The following GALNTL6 variants were observed in gnomAD, a reference collection of about 807,000 sequenced individuals.
GALNTL6 encodes polypeptide N-acetylgalactosaminyltransferase like 6.
A neutral mutation model predicts 73.7 loss-of-function variants in GALNTL6; 46 were observed. That is an observed-to-expected ratio of 0.62 (90% CI 0.49 to 0.80). The LOEUF (loss-of-function observed/expected upper bound fraction) is 0.80. Among genes scored for constraint, GALNTL6 ranks in the 30% least tolerant of loss-of-function variants. The pLI is 0.00. For missense variants in GALNTL6, 604 were observed against 755.0 expected, an observed-to-expected ratio of 0.80 and a Z score of 2.34; for synonymous variants, 259 against 263.7, an observed-to-expected ratio of 0.98 and a Z score of 0.17.
intron 5 of GALNTL6, among the ~76,000 whole-genome samples, chr4:172,785,356 A>G (rs1167266613): frequency 6.6e-6 from 1 of 152,146 alleles, no homozygotes; most frequent in Non-Finnish European, 1.5e-5. Flanking sequence ...ATCTTATTTA[A>G]ACTAGATTTA....
rs190408420 is a variant in GALNTL6 at position 173,040,454 on chromosome 4, G to C, written c.*354G>C. On this transcript the variant is annotated 3_prime_UTR_variant, in exon 13 of 13. Transcript: ENST00000506823. ...ATGAATGGATCCTATTAACTGGGTG[G>C]GAGGGGGGTGAAAATGGAGTGCATG... The C allele has an allele frequency of 4.8e-6, 1 of 207,392 alleles. No homozygotes were observed. Among genetic ancestry groups the C allele is most frequent in the East Asian group, 1.4e-4 (1 of 6,936 alleles). The allele number at this position is 207,392 out of a possible 1,614,324, so 12.8% of individuals were successfully genotyped here.
intron 5 of GALNTL6, among the ~76,000 whole-genome samples, chr4:172,392,886 C>T (rs1017304261): frequency 6.6e-5 from 10 of 152,110 alleles, no homozygotes; most frequent in African/African-American, 1.9e-4. Flanking sequence ...TGTACCAGTC[C>T]CCGCCCTGTT....
chr4:172,311,810 AT>A (rs558851741), intron 4 of GALNTL6, 58 bp downstream of exon 4: 410 of 1,251,572 alleles, frequency 3.3e-4, no homozygotes, highest in South Asian at 4.1e-4. Context: ...TTGTCCTTTG[AT>A]TTTTTTTTAA....
At chr4:171,975,413 G>A (rs1188494253) in intron 2 of GALNTL6, among the ~76,000 whole-genome samples, 4 of 152,080 alleles carry the variant, frequency 2.6e-5, no homozygotes, top group Admixed American at 2.0e-4. Context: ...AAAAAAGAAG[G>A]AAAAGTAGGT....
At chr4:172,899,610 T>A (rs551885367) in intron 8 of GALNTL6, among the ~76,000 whole-genome samples, 2 of 152,168 alleles carry the variant, frequency 1.3e-5, no homozygotes, top group Non-Finnish European at 2.9e-5. Context: ...AAAGGGGTCC[T>A]GATCCATACC....
At chr4:171,847,067 A>G (rs1261426871) in intron 2 of GALNTL6, among the ~76,000 whole-genome samples, 2 of 151,412 alleles carry the variant, frequency 1.3e-5, no homozygotes, top group Non-Finnish European at 2.9e-5. Context: ...CCCTACGAGC[A>G]ATGGTCAGTA....
At chr4:172,626,704 C>A (rs915990844) in intron 5 of GALNTL6, among the ~76,000 whole-genome samples, 4 of 151,994 alleles carry the variant, frequency 2.6e-5, no homozygotes, top group Non-Finnish European at 4.4e-5. Flanking sequence ...TCTTTGTAGA[C>A]ATCTTTCACC....
intron 2 of GALNTL6, chr4:171,815,935 G>A (rs1290716403): frequency 6.6e-6 from 1 of 152,058 alleles, no homozygotes; most frequent in Middle Eastern, 3.4e-3. Flanking sequence ...TTGTTATTTC[G>A]AGGAAAAATG....
Position 172,550,421 on chromosome 4 carries a change from G to C in GALNTL6, c.553+201732G>C, listed in dbSNP as rs75652626. Reference sequence around the variant, plus strand: ...TCCTCATTAGTGAGTTTGAGCATCTGTTTAGAAGTTTGTTAGAGATTTATA... The same window carrying C: ...TCCTCATTAGTGAGTTTGAGCATCTCTTTAGAAGTTTGTTAGAGATTTATA... On this transcript the variant is annotated intron_variant, in intron 5 of 12. Transcript: ENST00000506823. 2.6e-4 allele frequency among the ~76,000 whole-genome samples: 40 copies of C among 152,246 alleles called. No homozygotes were observed. In the East Asian group the frequency reaches 7.3e-3, roughly 28 times the overall value.
At chr4:172,050,188 C>T (rs1004139453) in intron 2 of GALNTL6, among the ~76,000 whole-genome samples, 6 of 152,074 alleles carry the variant, frequency 3.9e-5, no homozygotes, top group Admixed American at 3.9e-4. Context: ...GGCGTAGGCT[C>T]ACCGGGCCAA....
At chr4:172,327,083 A>C (rs1307354911) in intron 4 of GALNTL6, among the ~76,000 whole-genome samples, 1 of 152,062 alleles carries the variant, frequency 6.6e-6, no homozygotes, top group Non-Finnish European at 1.5e-5. Flanking sequence ...TTTTAAGTGA[A>C]TAGATACTAA....
intron 2 of GALNTL6, among the ~76,000 whole-genome samples, chr4:172,177,502 T>A (rs1262641470): frequency 3.3e-5 from 5 of 152,060 alleles, no homozygotes; most frequent in African/African-American, 1.2e-4. Flanking sequence ...CTGTCTCTTC[T>A]TTCACAGTGA....
At chr4:172,091,700 C>T in intron 2 of GALNTL6, among the ~76,000 whole-genome samples, 1 of 152,034 alleles carries the variant, frequency 6.6e-6, no homozygotes, top group South Asian at 2.1e-4. Context: ...AGCGTATTTC[C>T]ATGAAATAAG....
intron 5 of GALNTL6, among the ~76,000 whole-genome samples, chr4:172,605,377 C>T (rs1738214382): frequency 6.6e-6 from 1 of 151,918 alleles, no homozygotes; most frequent in Non-Finnish European, 1.5e-5. Flanking sequence ...GGGTTCATAA[C>T]AAAGAAGAAA....
chr4:172,552,500 T>C (rs1735989760), intron 5 of GALNTL6, among the ~76,000 whole-genome samples: 1 of 152,110 alleles, frequency 6.6e-6, no homozygotes, highest in Non-Finnish European at 1.5e-5. Context: ...ATATAACCTT[T>C]AGTTAATAAG....
chr4:171,983,186 C>A (rs913641156), intron 2 of GALNTL6, among the ~76,000 whole-genome samples: 1 of 152,112 alleles, frequency 6.6e-6, no homozygotes, highest in Non-Finnish European at 1.5e-5. Flanking sequence ...GTACGGTGTA[C>A]AAATTCTGAA....
chr4:172,024,823 C>A (rs745540328), intron 2 of GALNTL6, among the ~76,000 whole-genome samples: 3 of 143,972 alleles, frequency 2.1e-5, no homozygotes, highest in East Asian at 2.3e-4. Flanking sequence ...TCCTTTCTTC[C>A]CTCCCACCCT....
intron 5 of GALNTL6, among the ~76,000 whole-genome samples, chr4:172,770,291 A>ATAAAT (rs1380613434): frequency 5.3e-5 from 8 of 151,140 alleles, no homozygotes; most frequent in East Asian, 1.9e-4. Flanking sequence ...AAATAAATAA[A>ATAAAT]TAAATAAATA....
At chr4:171,912,678 C>T (rs887342918) in intron 2 of GALNTL6, among the ~76,000 whole-genome samples, 15 of 152,130 alleles carry the variant, frequency 9.9e-5, no homozygotes, top group African/African-American at 3.6e-4. Context: ...TACCTGGTCC[C>T]CAACTTTTCT....
Sources: gnomAD v4.1 joint callset for allele counts (sites outside exome capture counted in the v4.1 genomes callset) on GRCh38, gnomAD v4.1.1 for gene constraint, MANE v1.5 for transcripts, NCBI Gene and HGNC (gene_info 2026-07-23, HGNC 2026-07-21) for gene names.